ASTN2: variants seen among roughly 807,000 people sequenced by gnomAD.
ASTN2 encodes the protein astrotactin-2.
A neutral mutation model predicts 139.8 loss-of-function variants in ASTN2; 54 were observed. That is an observed-to-expected ratio of 0.39 (90% confidence interval 0.31 to 0.48). The LOEUF is 0.48. Ranked by LOEUF, ASTN2 falls within the 20% of genes least tolerant of loss-of-function variation. ASTN2 has a pLI of 0.95. For missense variants in ASTN2, 1,565 were observed against 1,725.1 expected (o/e 0.91, Z 1.64); for synonymous variants, 756 against 719.5 (o/e 1.05, Z -0.81).
At chr9:116,428,456 G>A (rs1449800601) in intron 22 of ASTN2, among the ~76,000 whole-genome samples, 1 of 152,004 alleles carries the variant, frequency 6.6e-6, no homozygotes, top group Admixed American at 6.6e-5. Context: ...ACCGTAAGGC[G>A]GAGGTTACAG....
intron 5 of ASTN2, among the ~76,000 whole-genome samples, chr9:117,049,712 C>T (rs913437664): frequency 1.8e-4 from 27 of 152,098 alleles, no homozygotes; most frequent in African/African-American, 6.3e-4. Flanking sequence ...TGTCTGTATC[C>T]TTCTTCTTCC....
rs1398387197 is a variant in ASTN2, at chr9:116,620,394, T to A, written c.3122A>T (p.Asp1041Val). The A allele has an allele frequency of 6.2e-6, 10 of 1,614,068 alleles. No individual in the cohort carries two copies. Among genetic ancestry groups the A allele is most frequent in the Non-Finnish European group, 8.5e-6 (10 of 1,180,012 alleles). ...ACACCTGCACCAGTCATCGATCACATCCCCTTTCCCTGAGCACCAGTAGGA... is the reference window on the plus strand; with the variant it reads ...ACACCTGCACCAGTCATCGATCACAACCCCTTTCCCTGAGCACCAGTAGGA... ...MSSYWCSGKG[D>V]VIDDWCRCDL... The change falls in exon 18 of 23, where the codon GAT (aspartate) becomes GTT (valine). Residue 1041 changes from aspartate to valine, a missense_variant. Asp to Val is a radical substitution (Grantham distance 152, BLOSUM62 -3). This residue lies in a region of ASTN2 where 418 missense variants were observed against 465.8 expected (regional missense o/e 0.90). Coordinates refer to ENST00000313400, the MANE Select transcript of ASTN2 (RefSeq NM_001365068.1).
chr9:117,113,408 C>A (rs567121282), intron 4 of ASTN2, among the ~76,000 whole-genome samples: 13 of 152,314 alleles, frequency 8.5e-5, no homozygotes, highest in Admixed American at 5.9e-4. Flanking sequence ...GCAATCCCAG[C>A]ACATTGGGAG....
intron 16 of ASTN2, among the ~76,000 whole-genome samples, chr9:116,706,102 G>A (rs1183158978): frequency 6.6e-6 from 1 of 152,110 alleles, no homozygotes; most frequent in Non-Finnish European, 1.5e-5. Flanking sequence ...CCTGAGGGTG[G>A]AGGGCAAAGG....
intron 3 of ASTN2, among the ~76,000 whole-genome samples, chr9:117,178,810 G>A (rs979062654): frequency 2.6e-5 from 4 of 152,196 alleles, no homozygotes; most frequent in African/African-American, 9.6e-5. Flanking sequence ...GCTGCATAGA[G>A]CGGCACCAGC....
At chr9:117,225,535 G>GTATGTGTATATATATA (rs369914209) in intron 2 of ASTN2, among the ~76,000 whole-genome samples, 4 of 63,922 alleles carry the variant, frequency 6.3e-5, no homozygotes, top group African/African-American at 1.7e-4. Flanking sequence ...CAAGCTGTAT[G>GTATGTGTATATATATA]TATATATATA....
At chr9:116,467,319 T>A (rs796664893) in intron 20 of ASTN2, among the ~76,000 whole-genome samples, 3 of 151,986 alleles carry the variant, frequency 2.0e-5, no homozygotes, top group African/African-American at 7.2e-5. Flanking sequence ...CAGGCTGGAG[T>A]GCAGTGGTGC....
intron 1 of ASTN2, among the ~76,000 whole-genome samples, chr9:117,340,550 A>C (rs775505901): frequency 6.6e-6 from 1 of 151,926 alleles, no homozygotes; most frequent in Non-Finnish European, 1.5e-5. Context: ...ATGAAGGCAA[A>C]ATGGAAACAG....
intron 2 of ASTN2, among the ~76,000 whole-genome samples, chr9:117,244,065 T>C (rs1833294062): frequency 6.6e-6 from 1 of 151,960 alleles, no homozygotes. Flanking sequence ...GATATGATGG[T>C]TTTATAAGCA....
At chr9:116,672,397 T>G (rs1859252284) in intron 16 of ASTN2, among the ~76,000 whole-genome samples, 1 of 152,030 alleles carries the variant, frequency 6.6e-6, no homozygotes, top group African/African-American at 2.4e-5. Context: ...ATTATAAACT[T>G]CTAGACTCAG....
At chr9:117,005,095 T>TTTTG (rs1837316491) in intron 7 of ASTN2, among the ~76,000 whole-genome samples, 1 of 142,834 alleles carries the variant, frequency 7.0e-6, no homozygotes, top group African/African-American at 2.6e-5. Flanking sequence ...TTTTTTTTTT[T>TTTTG]TTTTTTTTTG....
intron 3 of ASTN2, among the ~76,000 whole-genome samples, chr9:117,154,772 T>G (rs1364515402): frequency 1.3e-5 from 2 of 152,048 alleles, no homozygotes; most frequent in Non-Finnish European, 2.9e-5. Context: ...TGCTTACCCT[T>G]GAGTACAATG....
intron 11 of ASTN2, among the ~76,000 whole-genome samples, chr9:116,833,120 T>C (rs1831870066): frequency 6.6e-6 from 1 of 152,126 alleles, no homozygotes; most frequent in Admixed American, 6.5e-5. Context: ...CTATTTCATA[T>C]TGGCGAATTG....
intron 13 of ASTN2, among the ~76,000 whole-genome samples, chr9:116,770,522 G>C (rs1235524621): frequency 6.6e-6 from 1 of 152,100 alleles, no homozygotes; most frequent in African/African-American, 2.4e-5. Flanking sequence ...TTGATCCAAG[G>C]TTTCATGAGC....
At chr9:116,891,189 T>G (rs1833754224) in intron 10 of ASTN2, among the ~76,000 whole-genome samples, 1 of 152,184 alleles carries the variant, frequency 6.6e-6, no homozygotes. Flanking sequence ...TTTAAAAGGT[T>G]TTGAGTAGTG....
intron 2 of ASTN2, among the ~76,000 whole-genome samples, chr9:117,248,631 C>T (rs1159887477): frequency 6.6e-6 from 1 of 152,172 alleles, no homozygotes; most frequent in African/African-American, 2.4e-5. Flanking sequence ...TGGACAATGA[C>T]AAGACAGGTC....
At chr9:116,773,926 T>C (rs556689705) in intron 13 of ASTN2, among the ~76,000 whole-genome samples, 5 of 152,326 alleles carry the variant, frequency 3.3e-5, no homozygotes, top group African/African-American at 1.2e-4. Context: ...CCATGATACC[T>C]ATCTTTCATA....
At position 117,364,511 on chromosome 9, in the gene ASTN2, A is replaced by C. The variant is rs550215755; in HGVS notation, c.442+49986T>G. ...AAGTATGAAATAAAAAGCAGGCATG[A>C]TTTACTTAGTTTTCCAAAATGCAGT... On this transcript the variant is annotated intron_variant, in intron 1 of 22. Transcript: ENST00000313400. Among the ~76,000 whole-genome samples, 4 of 152,324 alleles carry C rather than the reference A, an allele frequency of 2.6e-5. No homozygotes were observed. In the East Asian group the frequency reaches 7.7e-4, roughly 29 times the overall value.
intron 2 of ASTN2, among the ~76,000 whole-genome samples, chr9:117,215,781 C>T (rs1832298992): frequency 6.6e-6 from 1 of 152,028 alleles, no homozygotes; most frequent in Admixed American, 6.5e-5. Flanking sequence ...ACTTCTCTTG[C>T]TTTTCTTCAC....
Sources: allele counts gnomAD v4.1 joint callset (sites outside exome capture counted in the v4.1 genomes callset), GRCh38; gene constraint gnomAD v4.1.1; regional missense constraint gnomAD v4.1.1; transcripts MANE v1.5; gene names NCBI Gene and HGNC (gene_info 2026-07-23, HGNC 2026-07-21).